GNAO1: variants seen among roughly 807,000 people sequenced by gnomAD.
The protein encoded by GNAO1 is guanine nucleotide-binding protein G(o) subunit alpha.
For synonymous variants in GNAO1, 164 were observed against 180.7 expected, an observed-to-expected ratio of 0.91 and a Z score of 0.74; for missense variants, 166 against 478.7, an observed-to-expected ratio of 0.35 and a Z score of 6.10.
At chr16:56,256,292 T>A (rs1026905595) in intron 2 of GNAO1, among the ~76,000 whole-genome samples, 2 of 152,162 alleles carry the variant, frequency 1.3e-5, no homozygotes, top group Non-Finnish European at 2.9e-5. Context: ...AGCCCACTGG[T>A]TCAGCCACTT....
chr16:56,294,371 G>T (rs747065961), intron 3 of GNAO1, among the ~76,000 whole-genome samples: 6 of 151,634 alleles, frequency 4.0e-5, no homozygotes, highest in East Asian at 1.9e-4. Context: ...AGTGGACTGG[G>T]TGTGAGCTAG....
chr16:56,201,802 A>G (rs1339652021), intron 2 of GNAO1, among the ~76,000 whole-genome samples: 1 of 152,214 alleles, frequency 6.6e-6, no homozygotes, highest in Non-Finnish European at 1.5e-5. Flanking sequence ...GATGGTAGTT[A>G]AATGCAGGAG....
At chr16:56,258,755 G>A (rs2036876275) in intron 2 of GNAO1, among the ~76,000 whole-genome samples, 1 of 152,230 alleles carries the variant, frequency 6.6e-6, no homozygotes, top group Non-Finnish European at 1.5e-5. Flanking sequence ...AGATTGAAAG[G>A]TGCTGAGAAG....
intron 2 of GNAO1, among the ~76,000 whole-genome samples, chr16:56,247,337 G>A (rs147678060): frequency 9.9e-5 from 15 of 152,270 alleles, no homozygotes; most frequent in Middle Eastern, 3.4e-3. Context: ...CTTCTAGGCC[G>A]CAAAATGTCA....
chr16:56,275,491 C>T (rs1407731971), intron 2 of GNAO1, among the ~76,000 whole-genome samples: 1 of 152,160 alleles, frequency 6.6e-6, no homozygotes, highest in African/African-American at 2.4e-5. Context: ...TCATTAAAAG[C>T]GGTGAGTTTT....
intron 2 of GNAO1, among the ~76,000 whole-genome samples, chr16:56,242,571 A>G (rs540008678): frequency 2.0e-5 from 3 of 152,344 alleles, no homozygotes; most frequent in African/African-American, 7.2e-5. Flanking sequence ...CAGTGAGGAA[A>G]GAATAGTGTT....
chr16:56,342,013 A>T (rs776971428), intron 6 of GNAO1, among the ~76,000 whole-genome samples: 1 of 152,138 alleles, frequency 6.6e-6, no homozygotes, highest in Non-Finnish European at 1.5e-5. Context: ...CCATCCCCCC[A>T]TATCAGGCTG....
At chr16:56,274,901 G>A (rs1172695665) in intron 2 of GNAO1, among the ~76,000 whole-genome samples, 2 of 152,182 alleles carry the variant, frequency 1.3e-5, no homozygotes, top group Non-Finnish European at 2.9e-5. Flanking sequence ...TAAGTAGGTA[G>A]AGTCTATATA....
chr16:56,257,450 T>A (rs1219078567), intron 2 of GNAO1, among the ~76,000 whole-genome samples: 2 of 152,160 alleles, frequency 1.3e-5, no homozygotes, highest in Admixed American at 1.3e-4. Flanking sequence ...TCATTAGTGT[T>A]CCGTGTGTCT....
At chr16:56,315,763 G>T (rs894483819) in intron 3 of GNAO1, among the ~76,000 whole-genome samples, 4 of 152,036 alleles carry the variant, frequency 2.6e-5, no homozygotes, top group Non-Finnish European at 5.9e-5. Context: ...GTGAGCAGGG[G>T]CCAGGCACAG....
Position 56,231,590 on chromosome 16 carries a change from C to T in GNAO1, c.161+38974C>T, listed in dbSNP as rs188292293. 3.3e-5 allele frequency among the ~76,000 whole-genome samples: 5 copies of T among 152,244 alleles called. No individual in the cohort carries two copies. In the East Asian group the frequency reaches 9.7e-4, roughly 29 times the overall value. Reference sequence around the variant, plus strand: ...GAACTTGGGGAACAACTGGGAGGGACTAAAAGAACTGGGAAAGTGGGAGGG... The same window carrying T: ...GAACTTGGGGAACAACTGGGAGGGATTAAAAGAACTGGGAAAGTGGGAGGG... On this transcript the variant is annotated intron_variant, in intron 2 of 8. Transcript: ENST00000262493.
At chr16:56,309,011 T>C (rs889334645) in intron 3 of GNAO1, among the ~76,000 whole-genome samples, 6 of 152,040 alleles carry the variant, frequency 3.9e-5, no homozygotes, top group Non-Finnish European at 8.8e-5. Context: ...TGGATGGGGC[T>C]TTAGAGGCTT....
chr16:56,199,333 C>T (rs2036261490), intron 2 of GNAO1, among the ~76,000 whole-genome samples: 1 of 152,114 alleles, frequency 6.6e-6, no homozygotes, highest in Non-Finnish European at 1.5e-5. Context: ...GGTTCTTAAA[C>T]CAAAGAGGAG....
chr16:56,225,933 G>A (rs1271565331), intron 2 of GNAO1, among the ~76,000 whole-genome samples: 1 of 152,016 alleles, frequency 6.6e-6, no homozygotes, highest in African/African-American at 2.4e-5. Flanking sequence ...GGATGCAAAT[G>A]ATGAGAATGG....
intron 2 of GNAO1, among the ~76,000 whole-genome samples, chr16:56,206,675 C>T (rs2036332964): frequency 6.6e-6 from 1 of 152,182 alleles, no homozygotes. Flanking sequence ...GAATTTTACT[C>T]TAAGTAAATT....
intron 3 of GNAO1, among the ~76,000 whole-genome samples, chr16:56,322,725 G>A (rs562717795): frequency 5.1e-4 from 78 of 152,212 alleles, no homozygotes; most frequent in African/African-American, 1.8e-3. Context: ...TTTGAGTCCA[G>A]GCTCTCCTTA....
chr16:56,208,853 A>G (rs2036357408), intron 2 of GNAO1, among the ~76,000 whole-genome samples: 1 of 152,032 alleles, frequency 6.6e-6, no homozygotes, highest in Non-Finnish European at 1.5e-5. Flanking sequence ...GGTGTTCTTT[A>G]TGTGTTGTAA....
intron 2 of GNAO1, among the ~76,000 whole-genome samples, chr16:56,247,405 A>G (rs984855217): frequency 2.0e-5 from 3 of 151,098 alleles, no homozygotes; most frequent in African/African-American, 7.3e-5. Context: ...TCCTTCTCTG[A>G]GCCCCTTTAA....
intron 2 of GNAO1, among the ~76,000 whole-genome samples, chr16:56,227,837 G>C (rs11644504): frequency 0.085 from 12,902 of 152,012 alleles, 598 homozygotes; most frequent in African/African-American, 0.11. Flanking sequence ...TCGGAGGCAT[G>C]GTTTTTCTGC....
Sources: allele counts gnomAD v4.1 joint callset (sites outside exome capture counted in the v4.1 genomes callset), GRCh38; gene constraint gnomAD v4.1.1; transcripts MANE v1.5; gene names NCBI Gene and HGNC (gene_info 2026-07-23, HGNC 2026-07-21).